The following CELF2 variants were observed in gnomAD, a reference collection of about 807,000 sequenced individuals.
CELF2 encodes the protein CUGBP Elav-like family member 2.
Under a neutral mutation model 62.6 loss-of-function variants are expected in CELF2, and 8 were observed. The observed-to-expected ratio is 0.13, with a 90% CI of 0.07 to 0.23. CELF2 has a LOEUF of 0.23. Ranked by LOEUF, CELF2 falls within the 10% of genes least tolerant of loss-of-function variation. CELF2 has a pLI of 1.00. For missense variants in CELF2, 333 were observed against 671.0 expected, an observed-to-expected ratio of 0.50 and a Z score of 5.56; for synonymous variants, 258 against 250.0, an observed-to-expected ratio of 1.03 and a Z score of -0.30.
At chr10:11,226,848 T>G (rs1050442817) in intron 3 of CELF2, among the ~76,000 whole-genome samples, 13 of 152,170 alleles carry the variant, frequency 8.5e-5, no homozygotes, top group African/African-American at 3.1e-4. Context: ...CTGTAAGAGG[T>G]ACTGCTTTGC....
chr10:10,539,541 G>A, the CELF2 span, among the ~76,000 whole-genome samples: 1 of 148,978 alleles, frequency 6.7e-6, no homozygotes, highest in Non-Finnish European at 1.5e-5. Context: ...TATACAGATG[G>A]CAAAAGTAAG....
chr10:11,180,719 G>A (rs1238042453), intron 2 of CELF2, among the ~76,000 whole-genome samples: 1 of 152,174 alleles, frequency 6.6e-6, no homozygotes, highest in East Asian at 1.9e-4. Flanking sequence ...ACTAAGGGCT[G>A]ACTATACATT....
In CELF2 at chr10:11,222,500, G is replaced by A. The variant is rs112153647; in HGVS notation, c.354+4993G>A. ...ACAACCGAAACATCTGTATGAACAG[G>A]TTTGAGTCCTCGAAGTCTTGTGCCA... is the stretch of plus-strand genomic sequence containing the variant. On this transcript the variant is annotated intron_variant, in intron 3 of 12. Coordinates refer to ENST00000633077, the MANE Select transcript of CELF2 (RefSeq NM_001326342.2). 4.1e-3 allele frequency among the ~76,000 whole-genome samples: 623 copies of A among 152,318 alleles called. 4 individuals are homozygous for A. The highest frequency in any genetic ancestry group is 0.014 in the African/African-American group (580 of 41,566).
Position 11,077,650 on chromosome 10 carries a change from G to A in CELF2, c.74+59487G>A, listed in dbSNP as rs1564635860. ...TGAAGTTGAAACCAGAAAGCAATTA[G>A]GTTCAAAGTTAGCGTTTATCGTCGT... On this transcript the variant is annotated intron_variant, in intron 1 of 12. Coordinates refer to ENST00000633077, the MANE Select transcript of CELF2 (RefSeq NM_001326342.2). Among the ~76,000 whole-genome samples the A allele has an allele frequency of 2.0e-5, 3 of 152,278 alleles. 1 individual carries two copies. Among genetic ancestry groups the A allele is most frequent in the South Asian group, 4.1e-4 (2 of 4,830 alleles).
intron 1 of CELF2, among the ~76,000 whole-genome samples, chr10:10,913,882 G>GGAAGGAAGGAAGGAAGGAAA (rs1186065934): frequency 7.9e-6 from 1 of 126,566 alleles, no homozygotes; most frequent in Non-Finnish European, 1.6e-5. Context: ...AAGGAAGGAA[G>GGAAGGAAGGAAGGAAGGAAA]GAAGAAGGAA....
In CELF2 at chr10:10,995,042, C is replaced by T. The variant is rs1163422073; in HGVS notation, c.89+75043C>T. On this transcript the variant is annotated intron_variant, in intron 2 of 13. Coordinates refer to the CELF2 transcript ENST00000636488. This position sits in a 1 kb window ranked among gnomAD's most constrained non-coding sequence, Gnocchi z 4.7. ...TCTTATCACCTGCCCTTCCTTGGAG[C>T]TCTTGCGGCCCATAAAATCCCACAG... is the stretch of plus-strand genomic sequence containing the variant. 1.3e-5 allele frequency among the ~76,000 whole-genome samples: 2 copies of T among 152,170 alleles called. No individual in the cohort carries two copies. The highest frequency in any genetic ancestry group is 2.1e-4 in the South Asian group (1 of 4,828).
chr10:11,129,831 G>A lies in CELF2; in HGVS notation c.75-35655G>A, dbSNP rs547494338. On this transcript the variant is annotated intron_variant, in intron 1 of 12. Transcript: ENST00000633077. ...GATCTTTTCAAAAAACCAGCTCCTG[G>A]ATTCATTGATTTTTGAAGGGTTTTT... 2.0e-5 allele frequency among the ~76,000 whole-genome samples: 3 copies of A among 152,288 alleles called. No individual in the cohort carries two copies. The South Asian group carries it at 6.2e-4, about 32-fold the overall frequency.
intron 1 of CELF2, among the ~76,000 whole-genome samples, chr10:10,859,405 A>C (rs2059929924): frequency 6.6e-6 from 1 of 152,146 alleles, no homozygotes; most frequent in Non-Finnish European, 1.5e-5. Flanking sequence ...TTTGGAACAG[A>C]AAGATCTGTT....
chr10:11,279,774 A>G (rs763335825), intron 8 of CELF2, among the ~76,000 whole-genome samples: 1 of 152,220 alleles, frequency 6.6e-6, no homozygotes, highest in Non-Finnish European at 1.5e-5. Context: ...TCAAGTAGGC[A>G]TATTGCGCAT....
chr10:11,138,540 G>A (rs182838840), intron 1 of CELF2, among the ~76,000 whole-genome samples: 14 of 152,232 alleles, frequency 9.2e-5, no homozygotes, highest in South Asian at 8.3e-4. Flanking sequence ...ACACAGGATC[G>A]GGATACTCTG....
intron 1 of CELF2, among the ~76,000 whole-genome samples, chr10:11,125,799 T>G (rs1157826338): frequency 1.3e-5 from 2 of 152,204 alleles, no homozygotes; most frequent in South Asian, 2.1e-4. Context: ...TTATACTGTT[T>G]GTTTTTGATG....
the CELF2 span, among the ~76,000 whole-genome samples, chr10:10,661,162 C>T: frequency 6.6e-6 from 1 of 152,238 alleles, no homozygotes; most frequent in Non-Finnish European, 1.5e-5. Flanking sequence ...CTTCCTGCCC[C>T]TTTCCAGCCA....
At chr10:11,153,020 T>A (rs1232027552) in intron 1 of CELF2, among the ~76,000 whole-genome samples, 2 of 152,190 alleles carry the variant, frequency 1.3e-5, no homozygotes, top group Non-Finnish European at 2.9e-5. Context: ...AAAAACAGAT[T>A]CCCTGGACCA....
chr10:11,084,394 C>T (rs951646151), intron 1 of CELF2, among the ~76,000 whole-genome samples: 3 of 152,140 alleles, frequency 2.0e-5, no homozygotes, highest in Non-Finnish European at 2.9e-5. Context: ...TGAAAGAAGG[C>T]GTGTGCCAGA....
chr10:10,990,177 T>A lies in CELF2; in HGVS notation c.89+70178T>A, dbSNP rs986397742. Among the ~76,000 whole-genome samples the A allele has an allele frequency of 1.3e-5, 2 of 149,998 alleles. No homozygotes were observed. Among genetic ancestry groups the A allele is most frequent in the Non-Finnish European group, 2.9e-5 (2 of 67,980 alleles). ...CCCTTAATATTTAATCTTAGAGGAATGGTTAAATAAATTATGGGATATTTG... is the reference window on the plus strand; with the variant it reads ...CCCTTAATATTTAATCTTAGAGGAAAGGTTAAATAAATTATGGGATATTTG... On this transcript the variant is annotated intron_variant, in intron 2 of 13. Transcript: ENST00000636488. The surrounding 1 kb of genome is among the most constrained non-coding windows in gnomAD (Gnocchi z 4.6).
chr10:10,994,495 G>A (rs1196011068), intron 2 of CELF2, among the ~76,000 whole-genome samples: 1 of 152,212 alleles, frequency 6.6e-6, no homozygotes. Flanking sequence ...GAAGGTGAGT[G>A]GCAGGTGAGT....
intron 2 of CELF2, among the ~76,000 whole-genome samples, chr10:11,197,032 A>AGAAGGAAGGAAGGAAGGAAGGAAGGAAG (rs2057927213): frequency 6.4e-5 from 1 of 15,606 alleles, no homozygotes; most frequent in Non-Finnish European, 1.9e-4. Flanking sequence ...AAGAAAAGAA[A>AGAAGGAAGGAAGGAAGGAAGGAAGGAAG]GAAAGAAAGA....
the CELF2 span, among the ~76,000 whole-genome samples, chr10:10,559,242 T>C: frequency 6.6e-6 from 1 of 152,334 alleles, no homozygotes; most frequent in South Asian, 2.1e-4. Context: ...CCTATGTCAC[T>C]GGTGATGTGA....
chr10:10,713,738 G>GA, the CELF2 span, among the ~76,000 whole-genome samples: 1 of 152,144 alleles, frequency 6.6e-6, no homozygotes, highest in Non-Finnish European at 1.5e-5. Flanking sequence ...AGCAACAAAA[G>GA]AAAATATGGG....
Sources: gnomAD v4.1 joint callset for allele counts (sites outside exome capture counted in the v4.1 genomes callset) on GRCh38, gnomAD v4.1.1 for gene constraint, Gnocchi (gnomAD v3.1) non-coding constraint, MANE v1.5 for transcripts, NCBI Gene and HGNC (gene_info 2026-07-23, HGNC 2026-07-21) for gene names.